MTTP: variants seen among roughly 807,000 people sequenced by gnomAD.
MTTP encodes the protein microsomal triglyceride transfer protein large subunit.
Under a neutral mutation model 90.6 loss-of-function variants are expected in MTTP, and 49 were observed. The observed-to-expected ratio is 0.54, with a 90% confidence interval of 0.43 to 0.69. The LOEUF (loss-of-function observed/expected upper bound fraction) is 0.69. Among genes scored for constraint, MTTP ranks in the 30% least tolerant of loss-of-function variants. The pLI, the probability that MTTP is intolerant of heterozygous loss-of-function variation, is 0.00. For missense variants in MTTP, 945 were observed against 1,067.5 expected (o/e 0.89, Z 1.60); for synonymous variants, 347 against 384.2 (o/e 0.90, Z 1.13).
intron 11 of MTTP, among the ~76,000 whole-genome samples, chr4:99,608,050 G>C (rs1459865643): frequency 6.6e-6 from 1 of 152,092 alleles, no homozygotes; most frequent in Non-Finnish European, 1.5e-5. Context: ...CCTTTCCCCA[G>C]AGCCCCATGC....
Position 99,601,648 on chromosome 4 carries a change from A to G in MTTP, c.1278A>G (p.Glu426=). 2.5e-6 allele frequency: 4 copies of G among 1,613,118 alleles called. No homozygotes were observed. Among genetic ancestry groups the G allele is most frequent in the Non-Finnish European group, 3.4e-6 (4 of 1,179,284 alleles). Residue 426 remains glutamate (E), a synonymous_variant, in exon 10 of 18, where the codon GAA becomes GAG. Transcript: ENST00000265517. ...KGSIGSSDIR[E]TVMIITGTLV... is the part of the protein sequence containing the mutation. The stretch of plus-strand genomic sequence containing the variant: ...CTATTGGTAGCAGTGACATCAGAGA[A>G]ACTGTTATGATCATCACTGGGACAC...
intron 7 of MTTP, 83 bp downstream of exon 7, chr4:99,594,966 A>G (rs1725520551): frequency 2.6e-6 from 4 of 1,526,544 alleles, no homozygotes; most frequent in South Asian, 1.1e-5. Context: ...AACTCATTCA[A>G]TGAAGACAGT....
chr4:99,579,269 C>G (rs549120490), intron 1 of MTTP, among the ~76,000 whole-genome samples: 2 of 152,320 alleles, frequency 1.3e-5, no homozygotes, highest in Admixed American at 1.3e-4. Context: ...ATGGCAGCGT[C>G]CCATCTCACT....
chr4:99,581,755 A>G (rs1725120609), intron 1 of MTTP, 150 bp from the exon 2 acceptor site: 1 of 768,962 alleles, frequency 1.3e-6, no homozygotes, highest in Non-Finnish European at 2.2e-6. Flanking sequence ...TTTCAAGTCA[A>G]TGATTTCAGC....
At chr4:99,585,645 G>A (rs1467186003) in intron 3 of MTTP, among the ~76,000 whole-genome samples, 1 of 151,916 alleles carries the variant, frequency 6.6e-6, no homozygotes, top group African/African-American at 2.4e-5. Flanking sequence ...TCATTTTATA[G>A]CTCCTTTGGT....
chr4:99,616,154 G>A (rs1726094339), intron 15 of MTTP, among the ~76,000 whole-genome samples: 1 of 152,194 alleles, frequency 6.6e-6, no homozygotes, highest in Admixed American at 6.5e-5. Flanking sequence ...AGCACTTTGG[G>A]TGGCCAAGGC....
chr4:99,609,773 C>T (rs569009464), intron 12 of MTTP, among the ~76,000 whole-genome samples: 1 of 152,290 alleles, frequency 6.6e-6, no homozygotes, highest in Admixed American at 6.5e-5. Context: ...GTGAGTAGAA[C>T]AGAGATAAGA....
Position 99,583,476 on chromosome 4 carries a change from G to A in MTTP, c.352G>A (p.Ala118Thr). 1.9e-6 allele frequency: 3 copies of A among 1,613,634 alleles called. No individual in the cohort carries two copies. The highest frequency in any genetic ancestry group is 2.5e-6 in the Non-Finnish European group (3 of 1,179,806). Residue 118 changes from alanine (A) to threonine (T), a missense_variant, in exon 3 of 18, where the codon GCT becomes ACT. By Grantham distance (58) the Ala-to-Thr change is moderately conservative. Coordinates refer to ENST00000265517, the MANE Select transcript of MTTP (RefSeq NM_001386140.1). ...AATAATGGGAAAGGAAAACTTGGAA[G>A]CTCTGCAAAGACCTACGCTCCTTCA... Reference protein sequence around the residue: ...SKIMGKENLEALQRPTLLHLI... With the variant: ...SKIMGKENLETLQRPTLLHLI...
chr4:99,570,898 A>G (rs1002268307), upstream of MTTP: 1 of 404,032 alleles, frequency 2.5e-6, no homozygotes, highest in East Asian at 7.1e-5. Flanking sequence ...AAGCCTCCAG[A>G]AAGGGATACA....
At chr4:99,583,272 TG>T (rs1167295214) in intron 2 of MTTP, 101 bp from the exon 3 acceptor site, 1 of 1,286,764 alleles carries the variant, frequency 7.8e-7, no homozygotes, top group Non-Finnish European at 1.1e-6. Context: ...GAAGAAATTG[TG>T]GCCAACTCTT....
At chr4:99,590,693 A>C (rs1054995595) in intron 4 of MTTP, among the ~76,000 whole-genome samples, 5 of 152,190 alleles carry the variant, frequency 3.3e-5, no homozygotes, top group Non-Finnish European at 7.3e-5. Context: ...AGCTCAGAGA[A>C]GCTAGACAGA....
In MTTP at chr4:99,589,704, T is replaced by C. The variant is rs1488236111; in HGVS notation, c.455T>C (p.Leu152Pro). 1 of 1,608,300 alleles carries C rather than the reference T, an allele frequency of 6.2e-7. No individual in the cohort carries two copies. Among genetic ancestry groups the C allele is most frequent in the Non-Finnish European group, 8.5e-7 (1 of 1,175,276 alleles). Reference protein sequence around the residue: ...AVAIENIKRGLASLFQTQLSS... With the variant: ...AVAIENIKRGPASLFQTQLSS... ...GCCATAGAAAATATCAAGAGAGGTC[T>C]GGCTAGCCTATTTCAGACACAGTTA... Residue 152 changes from leucine (L) to proline (P), a missense_variant, in exon 4 of 18, where the codon CTG (leucine) becomes CCG (proline). By Grantham distance (98) the Leu-to-Pro change is moderately conservative. Transcript: ENST00000265517.
intron 1 of MTTP, among the ~76,000 whole-genome samples, chr4:99,576,502 C>T (rs113004476): frequency 0.023 from 3,497 of 151,102 alleles, 108 homozygotes; most frequent in Middle Eastern, 0.099. Flanking sequence ...GAGACCATCC[C>T]GGCTAAAACG....
chr4:99,584,225 T>C (rs1725200524), intron 3 of MTTP: 1 of 152,094 alleles, frequency 6.6e-6, no homozygotes. Flanking sequence ...GCATTACATA[T>C]TTGTGTTTAT....
At chr4:99,564,295 A>G (rs1264484349) in intron 1 of MTTP, 2 of 1,478,138 alleles carry the variant, frequency 1.4e-6, no homozygotes, top group Admixed American at 2.1e-5. Context: ...AAAACAACGA[A>G]GAAAGGCTCC....
intron 8 of MTTP, among the ~76,000 whole-genome samples, chr4:99,599,706 T>A (rs965937495): frequency 6.6e-6 from 1 of 152,186 alleles, no homozygotes; most frequent in Non-Finnish European, 1.5e-5. Flanking sequence ...AAATTTTTAG[T>A]ACAGTGCTTG....
upstream of MTTP, among the ~76,000 whole-genome samples, chr4:99,574,272 C>T (rs954939021): frequency 5.3e-5 from 8 of 152,130 alleles, no homozygotes; most frequent in African/African-American, 1.7e-4. Context: ...CACATAAGGA[C>T]AATCATCTAT....
chr4:99,579,002 A>C (rs533601850), intron 1 of MTTP, among the ~76,000 whole-genome samples: 1 of 152,176 alleles, frequency 6.6e-6, no homozygotes, highest in Admixed American at 6.5e-5. Context: ...AGAGTCCCCA[A>C]TTACAATGCA....
rs371577788 is a variant in MTTP, at chr4:99,591,650, G to C, written c.619-1G>C. ...ATAAAGATGGCTATTTATTTATTTA[G>C]GTCTTGGGTGTCAGTTCAAAAGCTA... On this transcript the variant is annotated splice_acceptor_variant, in intron 5 of 17. Transcript: ENST00000265517. LOFTEE classifies it high-confidence loss of function. The C allele has an allele frequency of 9.9e-6, 16 of 1,610,916 alleles. No individual in the cohort carries two copies. The highest frequency in any genetic ancestry group is 1.4e-5 in the Non-Finnish European group (16 of 1,177,698).
Sources: allele counts gnomAD v4.1 joint callset (sites outside exome capture counted in the v4.1 genomes callset), GRCh38; gene constraint gnomAD v4.1.1; transcripts MANE v1.5; gene names NCBI Gene and HGNC (gene_info 2026-07-23, HGNC 2026-07-21).